The following CSMD1 variants were observed in gnomAD, a reference collection of about 807,000 sequenced individuals.
CSMD1 encodes CUB and Sushi multiple domains 1.
Under a neutral mutation model 417.5 loss-of-function variants are expected in CSMD1, and 213 were observed. The ratio of observed to expected loss-of-function variants is 0.51; its 90% CI spans 0.46 to 0.57. CSMD1 has a LOEUF of 0.57. CSMD1 is among the 20% of genes least tolerant of loss of function. CSMD1 has a pLI of 0.00. For missense variants in CSMD1, 6,923 were observed against 4,529.7 expected (o/e 1.53, Z -15.17); for synonymous variants, 2,862 against 1,736.8 (o/e 1.65, Z -16.11).
chr8:4,451,339 G>C (rs918383162), intron 2 of CSMD1, among the ~76,000 whole-genome samples: 1 of 152,138 alleles, frequency 6.6e-6, no homozygotes, highest in Admixed American at 6.5e-5. Context: ...AACAAAGCAA[G>C]ACCCTGACTC....
chr8:4,865,026 T>C (rs1802345572), intron 1 of CSMD1, among the ~76,000 whole-genome samples: 1 of 151,594 alleles, frequency 6.6e-6, no homozygotes, highest in African/African-American at 2.4e-5. Context: ...AATTTTATTT[T>C]TGTGTTTGCT....
chr8:3,960,557 G>C (rs573851416), intron 5 of CSMD1, among the ~76,000 whole-genome samples: 7 of 152,032 alleles, frequency 4.6e-5, no homozygotes, highest in African/African-American at 1.4e-4. Context: ...AGCATTTTTA[G>C]TCTTGAGGAT....
intron 1 of CSMD1, among the ~76,000 whole-genome samples, chr8:4,849,767 T>C (rs974068920): frequency 6.6e-6 from 1 of 152,174 alleles, no homozygotes; most frequent in Non-Finnish European, 1.5e-5. Flanking sequence ...CATCTTGGTT[T>C]TAGTAAGTGC....
intron 5 of CSMD1, among the ~76,000 whole-genome samples, chr8:3,904,524 G>C (rs552597049): frequency 6.6e-6 from 1 of 152,242 alleles, no homozygotes; most frequent in Admixed American, 6.5e-5. Context: ...CTAAGAAACT[G>C]ACAGGTGATA....
chr8:3,403,964 T>C (rs1480261311), intron 15 of CSMD1, among the ~76,000 whole-genome samples: 1 of 152,208 alleles, frequency 6.6e-6, no homozygotes, highest in East Asian at 1.9e-4. Context: ...CTTCTATTTA[T>C]CAATATTTCA....
Position 3,658,435 on chromosome 8 carries a change from C to G in CSMD1, c.1010-41638G>C, listed in dbSNP as rs1229692267. 3.5e-5 allele frequency among the ~76,000 whole-genome samples: 5 copies of G among 143,720 alleles called. No individual in the cohort carries two copies. In the South Asian group the frequency reaches 8.7e-4, roughly 25 times the overall value. 94.3% of individuals were successfully genotyped at this position (143,720 alleles called of 152,430 possible). On this transcript the variant is annotated intron_variant, in intron 7 of 69. Transcript: ENST00000635120. ...GTTAGTAATGTTTTGTTTTAATGAG[C>G]AAGCACATATATCTATAATATATAT...
chr8:3,551,682 T>C (rs1280575222), intron 10 of CSMD1, among the ~76,000 whole-genome samples: 5 of 151,784 alleles, frequency 3.3e-5, no homozygotes, highest in Non-Finnish European at 7.4e-5. Context: ...TCTTACTCTA[T>C]GTAATAAAGA....
At chr8:4,855,451 C>T (rs376383445) in intron 1 of CSMD1, among the ~76,000 whole-genome samples, 9 of 151,958 alleles carry the variant, frequency 5.9e-5, no homozygotes, top group South Asian at 2.1e-4. Context: ...AGGCTTCAGA[C>T]GATCAAATTA....
At chr8:3,532,409 G>C (rs13249651) in intron 10 of CSMD1, among the ~76,000 whole-genome samples, 1 of 152,142 alleles carries the variant, frequency 6.6e-6, no homozygotes, top group African/African-American at 2.4e-5. Flanking sequence ...TGAGCTAGAA[G>C]AAAGATGGAC....
At chr8:3,314,016 A>C (rs1040520957) in intron 23 of CSMD1, among the ~76,000 whole-genome samples, 1 of 152,160 alleles carries the variant, frequency 6.6e-6, no homozygotes, top group African/African-American at 2.4e-5. Context: ...AAACTATCAC[A>C]AGGACAAAAA....
chr8:4,455,509 T>C (rs1418072987), intron 2 of CSMD1, among the ~76,000 whole-genome samples: 13 of 152,162 alleles, frequency 8.5e-5, no homozygotes, highest in Admixed American at 8.5e-4. Context: ...TCCATTTGTC[T>C]CTGCAGCTGG....
intron 1 of CSMD1, among the ~76,000 whole-genome samples, chr8:4,880,458 G>C (rs773951387): frequency 3.3e-5 from 5 of 152,214 alleles, no homozygotes; most frequent in African/African-American, 1.2e-4. Context: ...TGTCTGAGAA[G>C]AGAGGAATTT....
chr8:4,162,145 G>A (rs778173665), intron 3 of CSMD1, among the ~76,000 whole-genome samples: 21 of 152,146 alleles, frequency 1.4e-4, no homozygotes, highest in African/African-American at 2.9e-4. Context: ...AAACCAGTGC[G>A]ACATCGTAAT....
At chr8:3,534,418 C>G (rs1798106101) in intron 10 of CSMD1, among the ~76,000 whole-genome samples, 1 of 150,962 alleles carries the variant, frequency 6.6e-6, no homozygotes, top group South Asian at 2.1e-4. Flanking sequence ...ATCTTCTCTC[C>G]TTTGTTTTGG....
At chr8:3,763,432 G>C (rs1584960016) in intron 5 of CSMD1, among the ~76,000 whole-genome samples, 1 of 152,142 alleles carries the variant, frequency 6.6e-6, no homozygotes, top group African/African-American at 2.4e-5. Flanking sequence ...AGAGCTGGTT[G>C]TTTAAAAGAG....
At chr8:3,466,029 A>C (rs1816774653) in intron 12 of CSMD1, among the ~76,000 whole-genome samples, 2 of 152,210 alleles carry the variant, frequency 1.3e-5, no homozygotes, top group African/African-American at 4.8e-5. Context: ...TGTGCACACT[A>C]TTATTTATAT....
chr8:4,990,719 G>C (rs11776485), intron 1 of CSMD1, among the ~76,000 whole-genome samples: 2 of 152,070 alleles, frequency 1.3e-5, no homozygotes, highest in African/African-American at 4.8e-5. Flanking sequence ...CTTCACAGGA[G>C]TGTCCTGGCT....
At chr8:4,764,563 T>G (rs1812318703) in intron 1 of CSMD1, among the ~76,000 whole-genome samples, 1 of 152,138 alleles carries the variant, frequency 6.6e-6, no homozygotes, top group Admixed American at 6.5e-5. Flanking sequence ...GCCAAGCTGC[T>G]CTCTAAAAAT....
chr8:3,409,869 T>C (rs1474700925), intron 12 of CSMD1, among the ~76,000 whole-genome samples: 2 of 152,256 alleles, frequency 1.3e-5, no homozygotes, highest in African/African-American at 4.8e-5. Context: ...ACAACACAAA[T>C]GCTGCAATTA....
Sources: gnomAD v4.1 joint callset for allele counts (sites outside exome capture counted in the v4.1 genomes callset) on GRCh38, gnomAD v4.1.1 for gene constraint, MANE v1.5 for transcripts, NCBI Gene and HGNC (gene_info 2026-07-23, HGNC 2026-07-21) for gene names.